The following DEFB134 variants were observed in gnomAD, a reference collection of about 807,000 sequenced individuals.
DEFB134 encodes the protein defensin beta 134, also known as beta-defensin 134.
DEFB134 carries 7 observed loss-of-function variants against 7.4 expected under a neutral mutation model. That is an observed-to-expected ratio of 0.95 (90% CI 0.54 to 1.79). The LOEUF is 1.79. Ranked by LOEUF, DEFB134 falls within the 40% of genes most tolerant of loss-of-function variation. The pLI, the probability that DEFB134 is intolerant of heterozygous loss-of-function variation, is 0.00. For missense variants in DEFB134, 105 were observed against 74.8 expected (o/e 1.40, Z -1.49); for synonymous variants, 33 against 25.0 (o/e 1.32, Z -0.96).
At chr8:12,000,237 T>C (rs1241761605), upstream of DEFB134, among the ~76,000 whole-genome samples, 4 of 152,216 alleles carry the variant, frequency 2.6e-5, no homozygotes, top group Non-Finnish European at 1.5e-5. Flanking sequence ...CCATTCCTTT[T>C]TTTTTCATAG....
rs768052404 is a variant in DEFB134 at position 11,993,990 on chromosome 8, G to C, written c.191C>G (p.Pro64Arg). Reference sequence around the variant, plus strand: ...CATTGGTTTCTTATGTCAGGGTGCAGGATTTCCTTTGACACAGCACTCCAG... The same window carrying C: ...CATTGGTTTCTTATGTCAGGGTGCACGATTTCCTTTGACACAGCACTCCAG... The change falls in exon 2 of 2, where the codon CCT becomes CGT. Residue 64 changes from proline (P) to arginine (R), a missense_variant. Coordinates refer to ENST00000526438, the Ensembl canonical transcript of DEFB134. 7 of 1,613,222 alleles carry C rather than the reference G, an allele frequency of 4.3e-6. No individual in the cohort carries two copies. The South Asian group carries it at 7.7e-5, about 18-fold the overall frequency.
chr8:11,998,912 T>TGCACACA (rs1367817269), upstream of DEFB134, among the ~76,000 whole-genome samples: 3 of 152,214 alleles, frequency 2.0e-5, no homozygotes, highest in Non-Finnish European at 4.4e-5. Context: ...AGCATCTGCA[T>TGCACACA]GCACACATGC....
At chr8:11,993,828 A>G in exon 2 of DEFB134, 1 of 1,018,516 alleles carries the variant, frequency 9.8e-7, no homozygotes, top group Non-Finnish European at 1.4e-6. Flanking sequence ...TTTAAATTTA[A>G]GACCACAAGA....
At chr8:11,999,651 A>C (rs1325514818), upstream of DEFB134, among the ~76,000 whole-genome samples, 1 of 152,174 alleles carries the variant, frequency 6.6e-6, no homozygotes, top group Non-Finnish European at 1.5e-5. Flanking sequence ...ACAGCCTCTG[A>C]GTTTTGCTCT....
exon 2 of DEFB134, chr8:11,993,703 G>A (rs1159468891): frequency 3.1e-6 from 1 of 318,582 alleles, no homozygotes; most frequent in African/African-American, 2.1e-5. Context: ...TCTATGATTA[G>A]AGGGAGAAAC....
intron 1 of DEFB134, among the ~76,000 whole-genome samples, 188 bp from the exon 3 acceptor site, chr8:11,994,310 C>T (rs1333834988): frequency 6.6e-6 from 1 of 152,120 alleles, no homozygotes; most frequent in Non-Finnish European, 1.5e-5. Flanking sequence ...TGCTGAAACC[C>T]TCACCCCTGA....
At chr8:11,996,323 T>C, upstream of DEFB134, 1 of 1,558,864 alleles carries the variant, frequency 6.4e-7, no homozygotes, top group East Asian at 2.2e-5. Context: ...AGAGAAGAGG[T>C]TGAGCACACA....
rs1454016062 is a variant in DEFB134, at chr8:11,994,803, G to C, written c.59-681C>G. On this transcript the variant is annotated intron_variant, in intron 1 of 1. Coordinates refer to ENST00000526438, the Ensembl canonical transcript of DEFB134. ...GGGGTACAGATTTGAGTATGATATAGACCTTAACCTCAATGAATTTTCATT... is the reference window on the plus strand; with the variant it reads ...GGGGTACAGATTTGAGTATGATATACACCTTAACCTCAATGAATTTTCATT... Among the ~76,000 whole-genome samples, 3 of 152,116 alleles carry C rather than the reference G, an allele frequency of 2.0e-5. No homozygotes were observed. In the East Asian group the frequency reaches 5.8e-4, roughly 29 times the overall value.
chr8:11,999,355 C>T (rs7835672), upstream of DEFB134: 133,911 of 214,788 alleles, frequency 0.62, 42,907 homozygotes, highest in East Asian at 0.93. Flanking sequence ...CAGTGGGATA[C>T]TGGCATTGCC....
At chr8:11,996,196 G>A (rs1283317682) in exon 1 of DEFB134, 3 of 1,613,606 alleles carry the variant, frequency 1.9e-6, no homozygotes, top group Non-Finnish European at 2.5e-6. Context: ...AGTTTTACCT[G>A]CCAGCACTGG....
At position 11,996,310 on chromosome 8, in the gene DEFB134, C is replaced by G; in HGVS notation, c.-59G>C. On this transcript the variant is annotated 5_prime_UTR_variant, in exon 1 of 2. Transcript: ENST00000526438. ...GGGTCTGACATCGGCTGTCAGGGAACAGAGAGAAGAGGTTGAGCACACAGT... is the reference window on the plus strand; with the variant it reads ...GGGTCTGACATCGGCTGTCAGGGAAGAGAGAGAAGAGGTTGAGCACACAGT... 6.3e-7 allele frequency: 1 copy of G among 1,593,030 alleles called. No individual in the cohort carries two copies. Among genetic ancestry groups the G allele is most frequent in the Non-Finnish European group, 8.6e-7 (1 of 1,161,572 alleles).
At chr8:11,998,048 C>A (rs553777882), upstream of DEFB134, among the ~76,000 whole-genome samples, 1 of 152,164 alleles carries the variant, frequency 6.6e-6, no homozygotes, top group Non-Finnish European at 1.5e-5. Flanking sequence ...AAATAGAAAT[C>A]AATACCAAGA....
At chr8:11,994,796 T>G (rs1282554634) in intron 1 of DEFB134, among the ~76,000 whole-genome samples, 7 of 152,184 alleles carry the variant, frequency 4.6e-5, no homozygotes, top group Non-Finnish European at 7.3e-5. Flanking sequence ...GATTTGAGTA[T>G]GATATAGACC....
upstream of DEFB134, chr8:11,999,275 C>T (rs1056181326): frequency 2.4e-5 from 5 of 211,376 alleles, no homozygotes; most frequent in Middle Eastern, 1.1e-3. Context: ...CTGGCTGAGG[C>T]TCCCAAAGAA....
rs370025554 is a variant in DEFB134, at chr8:11,996,261, C to A, written c.-10G>T. 26 of 1,613,552 alleles carry A rather than the reference C, an allele frequency of 1.6e-5. No individual in the cohort carries two copies. In the South Asian group the frequency reaches 2.6e-4, roughly 16 times the overall value. The stretch of plus-strand genomic sequence containing the variant: ...CAAGGAGAGGCTTCATGGCTGGGAA[C>A]TTCTGTTAAGGAGGCTAGTGGCAGG... On this transcript the variant is annotated 5_prime_UTR_variant, in exon 1 of 2. Transcript: ENST00000526438.
At chr8:11,996,403 G>C (rs1800125268), upstream of DEFB134, 3 of 658,118 alleles carry the variant, frequency 4.6e-6, no homozygotes, top group East Asian at 8.9e-5. Flanking sequence ...GAACACCCCT[G>C]AGGCAGCCGT....
chr8:11,996,800 T>A (rs1800136530), upstream of DEFB134, among the ~76,000 whole-genome samples: 1 of 152,244 alleles, frequency 6.6e-6, no homozygotes, highest in African/African-American at 2.4e-5. Flanking sequence ...TAACTTGATA[T>A]ATACTATATA....
intron 1 of DEFB134, 68 bp downstream of exon 2, chr8:11,996,126 T>C: frequency 6.3e-7 from 1 of 1,579,580 alleles, no homozygotes; most frequent in Non-Finnish European, 8.7e-7. Flanking sequence ...TGTATGTTTA[T>C]TGGGTTGTTT....
chr8:11,993,809 G>A (rs1800041886), exon 2 of DEFB134: 1 of 847,034 alleles, frequency 1.2e-6, no homozygotes, highest in Non-Finnish European at 1.7e-6. Flanking sequence ...GAAGGCTACA[G>A]CTCAGCTCTT....
Sources: gnomAD v4.1 joint callset for allele counts (sites outside exome capture counted in the v4.1 genomes callset) on GRCh38, gnomAD v4.1.1 for gene constraint, MANE v1.5 for transcripts, NCBI Gene and HGNC (gene_info 2026-07-23, HGNC 2026-07-21) for gene names.